RUNX1: variants seen among roughly 807,000 people sequenced by gnomAD.
RUNX1 encodes the protein RUNX family transcription factor 1.
Under a neutral mutation model 42.8 loss-of-function variants are expected in RUNX1, and 19 were observed. The ratio of observed to expected loss-of-function variants is 0.44; its 90% CI spans 0.31 to 0.65. The LOEUF is 0.65. RUNX1 is among the 30% of genes least tolerant of loss of function. RUNX1 has a pLI of 0.07. For missense variants in RUNX1, 528 were observed against 672.0 expected, an observed-to-expected ratio of 0.79 and a Z score of 2.37; for synonymous variants, 271 against 289.4, an observed-to-expected ratio of 0.94 and a Z score of 0.64.
At chr21:34,931,363 T>TA (rs1569111069) in intron 2 of RUNX1, among the ~76,000 whole-genome samples, 1 of 146,810 alleles carries the variant, frequency 6.8e-6, no homozygotes, top group African/African-American at 2.5e-5. Context: ...TGTGTATATA[T>TA]ATGTGTATAT....
chr21:34,899,242 G>T (rs1233112951), intron 2 of RUNX1, among the ~76,000 whole-genome samples: 2 of 152,088 alleles, frequency 1.3e-5, no homozygotes, highest in Non-Finnish European at 2.9e-5. Context: ...TGTTGTTATG[G>T]CCTGAATGTT....
intron 2 of RUNX1, among the ~76,000 whole-genome samples, chr21:34,991,473 C>T (rs2058938275): frequency 6.6e-6 from 1 of 152,184 alleles, no homozygotes; most frequent in Admixed American, 6.5e-5. Flanking sequence ...GCTACGGGCA[C>T]TTGGCTGACT....
chr21:35,006,812 A>G (rs2059088448), intron 2 of RUNX1, among the ~76,000 whole-genome samples: 1 of 152,198 alleles, frequency 6.6e-6, no homozygotes, highest in Non-Finnish European at 1.5e-5. Flanking sequence ...AGGCCTGCCC[A>G]GAGCCTTTCT....
intron 2 of RUNX1, among the ~76,000 whole-genome samples, chr21:34,911,632 G>A (rs1330423170): frequency 6.6e-6 from 1 of 152,178 alleles, no homozygotes; most frequent in East Asian, 1.9e-4. Context: ...GCCAGAGAGT[G>A]ATACACATTA....
intron 5 of RUNX1, among the ~76,000 whole-genome samples, chr21:34,873,439 A>C (rs2146317507): frequency 6.6e-6 from 1 of 152,340 alleles, no homozygotes; most frequent in Admixed American, 6.5e-5. Context: ...CTTAAATCTC[A>C]AGGTAAAAGC....
At chr21:34,966,667 A>G (rs1342432135) in intron 2 of RUNX1, among the ~76,000 whole-genome samples, 1 of 152,182 alleles carries the variant, frequency 6.6e-6, no homozygotes, top group East Asian at 1.9e-4. Context: ...CAGATAATTG[A>G]TCTGATTATG....
intron 2 of RUNX1, among the ~76,000 whole-genome samples, chr21:34,982,225 G>A (rs1180823461): frequency 6.6e-6 from 1 of 152,116 alleles, no homozygotes; most frequent in East Asian, 1.9e-4. Context: ...AGTCTTTTGT[G>A]CCACATACAA....
At chr21:34,865,279 CGTGTGTGTGTGTGT>C (rs61238560) in intron 5 of RUNX1, among the ~76,000 whole-genome samples, 147 of 132,472 alleles carry the variant, frequency 1.1e-3, no homozygotes, top group Middle Eastern at 3.8e-3. Flanking sequence ...GGGTTTTGTG[CGTGTGTGTGTGTGT>C]GTGTGTGTGT....
rs1340791959 is a variant in RUNX1, at chr21:34,792,338, A to G, written c.1240T>C (p.Tyr414His). ...TCGCCGCCCACCATGGAGAACTGGT[A>G]GGAGCCGGCCGAGGCGCCGTAGTAC... The part of the protein sequence containing the change: ...HLYYGASAGS[Y>H]QFSMVGGERS... The change falls in exon 9 of 9, where the codon TAC (tyrosine) becomes CAC (histidine). Residue 414 changes from tyrosine (Y) to histidine (H), a missense_variant. Physicochemically the swap from Tyr to His is moderately conservative, Grantham distance 83. Transcript: ENST00000675419. This position sits in a 1 kb window ranked among gnomAD's most constrained non-coding sequence, Gnocchi z 6.9. 1.3e-6 allele frequency: 2 copies of G among 1,545,264 alleles called. No homozygotes were observed. The highest frequency in any genetic ancestry group is 2.0e-5 in the Admixed American group (1 of 50,924).
chr21:34,835,089 T>C (rs767551309), intron 6 of RUNX1, among the ~76,000 whole-genome samples: 1 of 151,896 alleles, frequency 6.6e-6, no homozygotes, highest in African/African-American at 2.4e-5. Flanking sequence ...CGCAGCTTAG[T>C]GGTAGGGCCC....
Position 34,850,494 on chromosome 21 carries a change from T to C in RUNX1, c.613+8980A>G, listed in dbSNP as rs536019277. 5.9e-5 allele frequency among the ~76,000 whole-genome samples: 9 copies of C among 152,324 alleles called. No homozygotes were observed. The South Asian group carries it at 1.4e-3, about 25-fold the overall frequency. ...TTCCGACCCCAAGACACCTGCTACA[T>C]TACACGTCACGTTTCTAGGACAGTG... On this transcript the variant is annotated intron_variant, in intron 6 of 8. Coordinates refer to ENST00000675419, the MANE Select transcript of RUNX1 (RefSeq NM_001754.5).
intron 2 of RUNX1, among the ~76,000 whole-genome samples, chr21:34,985,838 C>A (rs866638768): frequency 6.9e-6 from 1 of 144,734 alleles, no homozygotes; most frequent in Non-Finnish European, 1.5e-5. Context: ...GAGAAAGTGT[C>A]TGGTGGTCTA....
At chr21:34,794,397 C>T (rs1336484363) in intron 8 of RUNX1, among the ~76,000 whole-genome samples, 1 of 152,162 alleles carries the variant, frequency 6.6e-6, no homozygotes, top group East Asian at 1.9e-4. Flanking sequence ...ATACTAGTTC[C>T]ACAATTTTAG....
intron 2 of RUNX1, among the ~76,000 whole-genome samples, chr21:35,033,614 G>A (rs886793563): frequency 2.0e-5 from 3 of 152,120 alleles, no homozygotes; most frequent in African/African-American, 7.2e-5. Context: ...CAGAAATTTC[G>A]GGAGAAATTC....
chr21:35,016,771 C>T (rs1283766517), intron 2 of RUNX1, among the ~76,000 whole-genome samples: 3 of 152,108 alleles, frequency 2.0e-5, no homozygotes, highest in Non-Finnish European at 4.4e-5. Flanking sequence ...GGCCCCCTTC[C>T]ATCCAGGGCT....
intron 3 of RUNX1, among the ~76,000 whole-genome samples, 196 bp downstream of exon 3, chr21:34,892,729 T>C (rs560061415): frequency 1.1e-4 from 17 of 152,326 alleles, no homozygotes; most frequent in African/African-American, 4.1e-4. Flanking sequence ...TAAGCTTTCA[T>C]TGAAATATTT....
chr21:35,028,872 G>A (rs2146966065), intron 2 of RUNX1, among the ~76,000 whole-genome samples: 1 of 152,356 alleles, frequency 6.6e-6, no homozygotes, highest in South Asian at 2.1e-4. Context: ...AAATGGGGTA[G>A]TGGTGAGAGT....
intron 2 of RUNX1, among the ~76,000 whole-genome samples, chr21:34,969,906 T>A (rs1415765270): frequency 1.3e-5 from 2 of 152,162 alleles, no homozygotes; most frequent in African/African-American, 4.8e-5. Context: ...TTGTTTTATG[T>A]GGGATACAGA....
At chr21:34,887,131 T>TCC in intron 3 of RUNX1, 35 bp from the exon 4 acceptor site, 1 of 1,597,644 alleles carries the variant, frequency 6.3e-7, no homozygotes, top group Non-Finnish European at 8.5e-7. Flanking sequence ...GCCGATTGAG[T>TCC]TAGGACCCTG....
Sources: gnomAD v4.1 joint callset for allele counts (sites outside exome capture counted in the v4.1 genomes callset) on GRCh38, gnomAD v4.1.1 for gene constraint, Gnocchi (gnomAD v3.1) non-coding constraint, MANE v1.5 for transcripts, NCBI Gene and HGNC (gene_info 2026-07-23, HGNC 2026-07-21) for gene names.